TCF7L2: variants seen among roughly 807,000 people sequenced by gnomAD.
TCF7L2 encodes transcription factor 7 like 2, also known as transcription factor 7-like 2.
A neutral mutation model predicts 77.9 loss-of-function variants in TCF7L2; 23 were observed. The ratio of observed to expected loss-of-function variants is 0.30; its 90% confidence interval spans 0.21 to 0.42. The LOEUF is 0.42. TCF7L2 is among the 10% of genes least tolerant of loss of function. The pLI is 1.00. For missense variants in TCF7L2, 654 were observed against 793.1 expected (o/e 0.82, Z 2.11); for synonymous variants, 413 against 340.2 (o/e 1.21, Z -2.36).
chr10:113,094,001 G>A (rs2060666832), intron 5 of TCF7L2, among the ~76,000 whole-genome samples: 1 of 152,202 alleles, frequency 6.6e-6, no homozygotes, highest in Admixed American at 6.5e-5. Context: ...TTAGCGAGAT[G>A]GTGCACTCTG....
At chr10:112,995,899 T>C (rs767436343) in intron 4 of TCF7L2, among the ~76,000 whole-genome samples, 3 of 152,186 alleles carry the variant, frequency 2.0e-5, no homozygotes, top group Non-Finnish European at 4.4e-5. Flanking sequence ...TCCAGAAATA[T>C]CTGTGAGTAA....
At chr10:113,061,114 G>T (rs1378841613) in intron 5 of TCF7L2, among the ~76,000 whole-genome samples, 1 of 152,074 alleles carries the variant, frequency 6.6e-6, no homozygotes, top group Non-Finnish European at 1.5e-5. Flanking sequence ...CTCCAACCTT[G>T]TGGCCCCTAC....
chr10:113,060,177 C>A (rs2056195879), intron 5 of TCF7L2, among the ~76,000 whole-genome samples: 1 of 152,180 alleles, frequency 6.6e-6, no homozygotes, highest in South Asian at 2.1e-4. Context: ...ATTTGGCTCT[C>A]CATAAAAATG....
chr10:113,081,310 T>C (rs931737307), intron 5 of TCF7L2, among the ~76,000 whole-genome samples: 2 of 152,232 alleles, frequency 1.3e-5, no homozygotes, highest in Non-Finnish European at 1.5e-5. Flanking sequence ...CACGCACCAA[T>C]ACTACTTCCC....
At chr10:113,002,246 A>G (rs1481139942) in intron 4 of TCF7L2, among the ~76,000 whole-genome samples, 1 of 152,166 alleles carries the variant, frequency 6.6e-6, no homozygotes, top group Non-Finnish European at 1.5e-5. Context: ...TGTGTGCCAG[A>G]TATCCTGACC....
At chr10:113,128,569 C>T (rs964462020) in intron 5 of TCF7L2, among the ~76,000 whole-genome samples, 5 of 152,160 alleles carry the variant, frequency 3.3e-5, no homozygotes, top group Non-Finnish European at 7.4e-5. Flanking sequence ...CACACAAGTC[C>T]AGGATCCCAT....
intron 5 of TCF7L2, among the ~76,000 whole-genome samples, chr10:113,054,757 C>T (rs952103505): frequency 4.6e-5 from 7 of 152,066 alleles, no homozygotes; most frequent in Non-Finnish European, 5.9e-5. Context: ...TTTATATTAA[C>T]GTATGTATTA....
In TCF7L2 at chr10:113,018,964, G is replaced by A. The variant is rs538179114; in HGVS notation, c.451-21061G>A. 5.3e-5 allele frequency among the ~76,000 whole-genome samples: 8 copies of A among 152,286 alleles called. No homozygotes were observed. In the East Asian group the frequency reaches 1.5e-3, roughly 29 times the overall value. On this transcript the variant is annotated intron_variant, in intron 4 of 13. Transcript: ENST00000627217. ...GAAGAAAGTTCTTGTGGGTGTGATG[G>A]TGGAAACCCAAGCAGCGTCCAGAGG...
chr10:113,069,462 T>C (rs936114314), intron 5 of TCF7L2, among the ~76,000 whole-genome samples: 6 of 152,056 alleles, frequency 3.9e-5, no homozygotes, highest in Admixed American at 6.6e-5. Context: ...ACTCCTGACC[T>C]CAAGTGATCC....
At chr10:113,020,780 CAG>C (rs2133860166) in intron 4 of TCF7L2, among the ~76,000 whole-genome samples, 1 of 152,066 alleles carries the variant, frequency 6.6e-6, no homozygotes, top group Non-Finnish European at 1.5e-5. Flanking sequence ...GTGAGGGGGA[CAG>C]AGGGGAGGGA....
At chr10:112,984,952 C>T (rs748776921) in intron 4 of TCF7L2, among the ~76,000 whole-genome samples, 2 of 152,150 alleles carry the variant, frequency 1.3e-5, no homozygotes, top group Admixed American at 6.6e-5. Flanking sequence ...TGAAGTCAGA[C>T]GTAGCTGGGG....
chr10:113,080,680 A>G (rs550068366), intron 5 of TCF7L2, among the ~76,000 whole-genome samples: 2 of 152,176 alleles, frequency 1.3e-5, no homozygotes, highest in Non-Finnish European at 1.5e-5. Flanking sequence ...GTACATTTTT[A>G]TGCAATAATT....
chr10:113,088,260 G>T (rs1225746120), intron 5 of TCF7L2, among the ~76,000 whole-genome samples: 1 of 152,028 alleles, frequency 6.6e-6, no homozygotes, highest in African/African-American at 2.4e-5. Flanking sequence ...TAGAGCCATA[G>T]ACAGGCCAAT....
chr10:113,149,530 G>A (rs1050309820), intron 8 of TCF7L2, among the ~76,000 whole-genome samples: 2 of 152,184 alleles, frequency 1.3e-5, no homozygotes, highest in East Asian at 3.9e-4. Flanking sequence ...GATTCAGTTA[G>A]TACTTTAATC....
intron 5 of TCF7L2, among the ~76,000 whole-genome samples, chr10:113,051,078 A>T (rs908648732): frequency 4.0e-5 from 6 of 151,074 alleles, no homozygotes; most frequent in African/African-American, 1.5e-4. Flanking sequence ...CCCTTGTTCC[A>T]CTCGGTTCTG....
In TCF7L2 at chr10:113,165,851, T is replaced by C. The variant is rs2137655200; in HGVS notation, c.1688T>C (p.Leu563Ser). 6.2e-7 allele frequency: 1 copy of C among 1,608,426 alleles called. No homozygotes were observed. Among genetic ancestry groups the C allele is most frequent in the Non-Finnish European group, 8.5e-7 (1 of 1,176,548 alleles). ...GCCCTGGACCTGCCCCCAGCCGCTT[T>C]GCAGCCTGCCGCCCCCTCCTCATCA... Residue 563 changes from leucine (L) to serine (S), a missense_variant, in exon 14 of 14, where the codon TTG becomes TCG. Coordinates refer to ENST00000627217, the MANE Select transcript of TCF7L2 (RefSeq NM_001146274.2).
chr10:113,071,731 C>T (rs2135229849), intron 5 of TCF7L2, among the ~76,000 whole-genome samples: 1 of 152,258 alleles, frequency 6.6e-6, no homozygotes, highest in East Asian at 1.9e-4. Flanking sequence ...CCCCTAGGCT[C>T]ATAGGCCTAG....
intron 4 of TCF7L2, among the ~76,000 whole-genome samples, chr10:113,001,262 G>A (rs1295408451): frequency 2.6e-5 from 4 of 152,196 alleles, no homozygotes; most frequent in African/African-American, 9.6e-5. Flanking sequence ...TCATTTGGCT[G>A]TAGTGGTCCA....
rs558499845 is a variant in TCF7L2, at chr10:113,063,153, A to T, written c.552+23027A>T. Among the ~76,000 whole-genome samples, 16 of 152,172 alleles carry T rather than the reference A, an allele frequency of 1.1e-4. No individual in the cohort carries two copies. In the East Asian group the frequency reaches 3.1e-3, roughly 29 times the overall value. On this transcript the variant is annotated intron_variant, in intron 5 of 13. Transcript: ENST00000627217. ...TAATCTCTCTGCGGGTGGCCCTCCT[A>T]AGCCCTACTTCAAGAAATAGCTCTA...
Sources: allele counts gnomAD v4.1 joint callset (sites outside exome capture counted in the v4.1 genomes callset), GRCh38; gene constraint gnomAD v4.1.1; transcripts MANE v1.5; gene names NCBI Gene and HGNC (gene_info 2026-07-23, HGNC 2026-07-21).